Variants in PPFIA2 observed in about 807,000 individuals in gnomAD.
PPFIA2 encodes the protein liprin-alpha-2.
Under a neutral mutation model 175.5 loss-of-function variants are expected in PPFIA2, and 46 were observed. The ratio of observed to expected loss-of-function variants is 0.26; its 90% CI spans 0.21 to 0.34. The LOEUF is 0.34. PPFIA2 is among the 10% of genes least tolerant of loss of function. The pLI, the probability that PPFIA2 is intolerant of heterozygous loss-of-function variation, is 1.00. For synonymous variants in PPFIA2, 568 were observed against 511.4 expected (o/e 1.11, Z -1.49); for missense variants, 1,179 against 1,506.1 (o/e 0.78, Z 3.60).
intron 4 of PPFIA2, among the ~76,000 whole-genome samples, chr12:81,653,563 C>T (rs2067327175): frequency 6.6e-6 from 1 of 152,048 alleles, no homozygotes; most frequent in Non-Finnish European, 1.5e-5. Flanking sequence ...TCTCTGTCTC[C>T]ATTTCAGATG....
chr12:81,751,390 C>T (rs1001295284), intron 3 of PPFIA2, among the ~76,000 whole-genome samples: 1 of 148,796 alleles, frequency 6.7e-6, no homozygotes, highest in Non-Finnish European at 1.5e-5. Flanking sequence ...CAGACCTATA[C>T]TTATCATGAG....
intron 3 of PPFIA2, among the ~76,000 whole-genome samples, chr12:81,689,609 T>C (rs2074972329): frequency 6.6e-6 from 1 of 152,036 alleles, no homozygotes; most frequent in Non-Finnish European, 1.5e-5. Flanking sequence ...CATTCTATAG[T>C]CATTAAATGT....
At chr12:81,548,808 A>G (rs1469392246) in intron 4 of PPFIA2, among the ~76,000 whole-genome samples, 1 of 152,176 alleles carries the variant, frequency 6.6e-6, no homozygotes, top group Non-Finnish European at 1.5e-5. Flanking sequence ...ATGCAACACA[A>G]TAAGTATGTT....
chr12:81,449,798 C>T (rs943624654), intron 5 of PPFIA2, among the ~76,000 whole-genome samples: 13 of 138,874 alleles, frequency 9.4e-5, no homozygotes, highest in Non-Finnish European at 3.1e-5. Context: ...CTCCCCCCGA[C>T]CCCATGACAG....
chr12:81,373,628 G>GGTTTGTCTTTCATTT (rs2035698773), intron 11 of PPFIA2, among the ~76,000 whole-genome samples: 1 of 151,410 alleles, frequency 6.6e-6, no homozygotes, highest in African/African-American at 2.4e-5. Context: ...CGCAGTCAAA[G>GGTTTGTCTTTCATTT]GTTTGTCTTT....
At chr12:81,627,816 C>T (rs1595766674) in intron 4 of PPFIA2, among the ~76,000 whole-genome samples, 1 of 152,054 alleles carries the variant, frequency 6.6e-6, no homozygotes, top group South Asian at 2.1e-4. Context: ...AAAATGAAAA[C>T]ATTGTATGTC....
chr12:81,428,015 C>T (rs1190914673), intron 7 of PPFIA2, among the ~76,000 whole-genome samples: 1 of 151,828 alleles, frequency 6.6e-6, no homozygotes, highest in Non-Finnish European at 1.5e-5. Flanking sequence ...CACCAAAGTT[C>T]AATATTTCAT....
intron 3 of PPFIA2, among the ~76,000 whole-genome samples, chr12:81,722,453 C>G (rs1455942651): frequency 2.0e-5 from 3 of 151,098 alleles, no homozygotes; most frequent in Non-Finnish European, 3.0e-5. Context: ...CTAGATCTGA[C>G]ATTGACCTTT....
rs897336875 is a variant in PPFIA2 at position 81,258,208 on chromosome 12, T to C, written c.*1486A>G. On this transcript the variant is annotated 3_prime_UTR_variant, in exon 33 of 33. Transcript: ENST00000549396. ...GTCACCCAAAGAACACATTTCCTGA[T>C]AGTTTAAGTAAATTGTCGAGCCTTA... 7.2e-5 allele frequency: 11 copies of C among 152,166 alleles called. No homozygotes were observed. The highest frequency in any genetic ancestry group is 1.2e-4 in the Non-Finnish European group (8 of 68,012). 9.4% of individuals were successfully genotyped at this position (152,166 alleles called of 1,614,324 possible).
intron 3 of PPFIA2, among the ~76,000 whole-genome samples, chr12:81,740,986 CT>C (rs5799553): frequency 0.84 from 128,003 of 152,014 alleles, 55,199 homozygotes; most frequent in Middle Eastern, 0.95. Context: ...TATTCATACA[CT>C]TTTTTTTGTG....
At chr12:81,688,410 T>C (rs2074737144) in intron 3 of PPFIA2, among the ~76,000 whole-genome samples, 1 of 151,930 alleles carries the variant, frequency 6.6e-6, no homozygotes, top group African/African-American at 2.4e-5. Flanking sequence ...TCACTTTTGT[T>C]TGATGGATCG....
intron 4 of PPFIA2, among the ~76,000 whole-genome samples, chr12:81,520,039 A>C (rs1044195427): frequency 6.6e-6 from 1 of 152,200 alleles, no homozygotes; most frequent in Non-Finnish European, 1.5e-5. Flanking sequence ...CTGTTTTCAC[A>C]CTTCTCCTTG....
intron 4 of PPFIA2, among the ~76,000 whole-genome samples, chr12:81,578,756 CA>C (rs2073980032): frequency 6.6e-6 from 1 of 151,690 alleles, no homozygotes; most frequent in South Asian, 2.1e-4. Context: ...TAAATGGTAG[CA>C]TATCTGTCCA....
chr12:81,388,902 G>A (rs1309827764), intron 8 of PPFIA2, among the ~76,000 whole-genome samples: 1 of 151,300 alleles, frequency 6.6e-6, no homozygotes, highest in African/African-American at 2.4e-5. Context: ...AATTATATAT[G>A]ACGCATGGTA....
chr12:81,319,352 C>T (rs1030778292), intron 22 of PPFIA2, among the ~76,000 whole-genome samples: 6 of 151,596 alleles, frequency 4.0e-5, no homozygotes, highest in African/African-American at 7.3e-5. Context: ...TTATTATTTA[C>T]GTTCAGGGAA....
intron 4 of PPFIA2, among the ~76,000 whole-genome samples, chr12:81,489,119 C>T (rs2059158183): frequency 6.6e-6 from 1 of 151,672 alleles, no homozygotes; most frequent in African/African-American, 2.4e-5. Context: ...TAATAAACTA[C>T]AGTAATTGGA....
At chr12:81,399,189 T>G (rs1233760330) in intron 8 of PPFIA2, among the ~76,000 whole-genome samples, 1 of 149,646 alleles carries the variant, frequency 6.7e-6, no homozygotes, top group Non-Finnish European at 1.5e-5. Flanking sequence ...ACAGATTCCT[T>G]GGCACAAAAT....
chr12:81,302,447 T>A (rs2048086672), intron 22 of PPFIA2, among the ~76,000 whole-genome samples: 1 of 152,202 alleles, frequency 6.6e-6, no homozygotes, highest in African/African-American at 2.4e-5. Context: ...GAAAAAGTTT[T>A]ATTTTCTTGG....
intron 4 of PPFIA2, among the ~76,000 whole-genome samples, chr12:81,542,104 C>G (rs2066315124): frequency 6.6e-6 from 1 of 151,956 alleles, no homozygotes; most frequent in South Asian, 2.1e-4. Context: ...TGTGATTTAA[C>G]TAAGAATTTT....
Sources: allele counts gnomAD v4.1 joint callset (sites outside exome capture counted in the v4.1 genomes callset), GRCh38; gene constraint gnomAD v4.1.1; transcripts MANE v1.5; gene names NCBI Gene and HGNC (gene_info 2026-07-23, HGNC 2026-07-21).